Variants in RRAGC observed in about 807,000 individuals in gnomAD.
RRAGC encodes Ras related GTP binding C.
In RRAGC, 8 loss-of-function variants were observed where a neutral mutation model predicts 37.1. The observed-to-expected ratio is 0.22, with a 90% CI of 0.13 to 0.39. The LOEUF (loss-of-function observed/expected upper bound fraction) is 0.39. Among genes scored for constraint, RRAGC ranks in the 10% least tolerant of loss-of-function variants. The pLI, the probability that RRAGC is intolerant of heterozygous loss-of-function variation, is 1.00. For synonymous variants in RRAGC, 190 were observed against 181.1 expected (o/e 1.05, Z -0.39); for missense variants, 342 against 497.6 (o/e 0.69, Z 2.98).
intron 5 of RRAGC, among the ~76,000 whole-genome samples, chr1:38,848,443 G>A (rs1172495681): frequency 6.6e-6 from 1 of 152,120 alleles, no homozygotes; most frequent in Admixed American, 6.6e-5. Flanking sequence ...AGCTCCTAAT[G>A]TCAAGCCAGC....
Position 38,841,147 on chromosome 1 carries a change from G to GAATCA in RRAGC, c.1049-1444_1049-1443insTGATT, listed in dbSNP as rs566505977. 1.9e-3 allele frequency among the ~76,000 whole-genome samples: 283 copies of GAATCA among 152,164 alleles called. 2 individuals are homozygous for GAATCA. Among genetic ancestry groups the GAATCA allele is most frequent in the African/African-American group, 6.3e-3 (260 of 41,498 alleles). On this transcript the variant is annotated intron_variant, in intron 6 of 6. Transcript: ENST00000373001. ...TTGATAACTACTGAATCTGGGCAATGGATTAAAAAGCTTTTATTATACTGT... is the reference window on the plus strand; with the variant it reads ...TTGATAACTACTGAATCTGGGCAATGAATCAGATTAAAAAGCTTTTATTATACTGT...
chr1:38,838,535 CAAAGA>C lies in RRAGC; in HGVS notation c.*1013_*1017del, dbSNP rs1641910770. 6.6e-6 allele frequency: 1 copy of C among 152,180 alleles called. No homozygotes were observed. The highest frequency in any genetic ancestry group is 2.1e-4 in the South Asian group (1 of 4,832). The allele number at this position is 152,180 out of a possible 1,614,324, so 9.4% of individuals were successfully genotyped here. On this transcript the variant is annotated 3_prime_UTR_variant, in exon 7 of 7. Transcript: ENST00000373001. ...AACAATTATGAATTCATATCCTAGG[CAAAGA>C]AAGTACCACAGTTGACACTTGGTGT...
At chr1:38,858,612 T>C (rs1642196266) in intron 1 of RRAGC, among the ~76,000 whole-genome samples, 3 of 152,132 alleles carry the variant, frequency 2.0e-5, no homozygotes, top group Non-Finnish European at 4.4e-5. Flanking sequence ...GCGGGAGAAT[T>C]ACTTGAACCA....
Position 38,859,488 on chromosome 1 carries a change from A to T in RRAGC, c.159T>A (p.Gly53=), listed in dbSNP as rs1206064299. The change falls in exon 1 of 7, where the codon GGT becomes GGA. Residue 53 remains glycine, a synonymous_variant. Transcript: ENST00000373001. The part of the protein sequence containing the change: ...GVGAGAGGGC[G]PGGADSSKPR... The stretch of plus-strand genomic sequence containing the variant: ...GCTTGGAGCTGTCAGCGCCCCCCGG[A>T]CCACAGCCACCGCCTGCCCCTGCCC... The T allele has an allele frequency of 3.2e-6, 5 of 1,547,586 alleles. No individual in the cohort carries two copies. Among genetic ancestry groups the T allele is most frequent in the African/African-American group, 2.7e-5 (2 of 72,926 alleles).
chr1:38,859,297 G>C, intron 1 of RRAGC, 113 bp downstream of exon 1: 9 of 995,084 alleles, frequency 9.0e-6, no homozygotes, highest in Non-Finnish European at 1.3e-5. Context: ...GGAAGAGAAA[G>C]TGCGGAGGGA....
Position 38,859,732 on chromosome 1 carries a change from G to GCCGCCACCACCGCCA in RRAGC, c.-101_-87dup, listed in dbSNP as rs1204969496. The GCCGCCACCACCGCCA allele has an allele frequency of 2.2e-5, 25 of 1,156,734 alleles. No homozygotes were observed. In the East Asian group the frequency reaches 5.4e-4, roughly 25 times the overall value. The allele number at this position is 1,156,734 out of a possible 1,614,324, so 71.7% of individuals were successfully genotyped here. On this transcript the variant is annotated 5_prime_UTR_variant, in exon 1 of 7. Transcript: ENST00000373001. ...GCCTCCCCAGTCCGCCTCCGCCGCC[G>GCCGCCACCACCGCCA]CCGCCACCACCGCCACCGCCCCCGG...
chr1:38,840,586 T>C (rs1641951500), intron 6 of RRAGC, among the ~76,000 whole-genome samples: 2 of 152,118 alleles, frequency 1.3e-5, no homozygotes, highest in Non-Finnish European at 2.9e-5. Context: ...GGCAAAGTAA[T>C]CAACTGAAAA....
chr1:38,848,695 C>A (rs531942398), intron 5 of RRAGC, among the ~76,000 whole-genome samples: 2 of 152,134 alleles, frequency 1.3e-5, no homozygotes, highest in South Asian at 4.2e-4. Context: ...CAAAATAATG[C>A]CAAGGCAGGC....
In RRAGC at chr1:38,846,343, A is replaced by T. The variant is rs536113792; in HGVS notation, c.900-256T>A. 21 of 344,302 alleles carry T rather than the reference A, an allele frequency of 6.1e-5. No individual in the cohort carries two copies. In the South Asian group the frequency reaches 8.4e-4, roughly 14 times the overall value. The allele number at this position is 344,302 out of a possible 1,614,324, so 21.3% of individuals were successfully genotyped here. A position where few individuals can be genotyped will look rare whatever the true frequency, so the allele number is the denominator to read the frequency against. ...CATTTGGAGAAAAAGGTGCAAACATATGTATATCTTAACCAGGGAAATGAC... is the reference window on the plus strand; with the variant it reads ...CATTTGGAGAAAAAGGTGCAAACATTTGTATATCTTAACCAGGGAAATGAC... On this transcript the variant is annotated intron_variant, in intron 5 of 6. Transcript: ENST00000373001.
Position 38,859,704 on chromosome 1 carries a change from G to GCCGCCTCCCCAGT in RRAGC, c.-71_-59dup, listed in dbSNP as rs1642215450. 5 of 1,338,102 alleles carry GCCGCCTCCCCAGT rather than the reference G, an allele frequency of 3.7e-6. No homozygotes were observed. The highest frequency in any genetic ancestry group is 1.5e-5 in the African/African-American group (1 of 64,720). The allele number at this position is 1,338,102 out of a possible 1,614,324, so 82.9% of individuals were successfully genotyped here. A position where few individuals can be genotyped will look rare whatever the true frequency, so the allele number is the denominator to read the frequency against. On this transcript the variant is annotated 5_prime_UTR_variant, in exon 1 of 7. Coordinates refer to ENST00000373001, the MANE Select transcript of RRAGC (RefSeq NM_022157.4). ...AGGCCAGGCCAGGCCGAGCCAGGCC[G>GCCGCCTCCCCAGT]CCGCCTCCCCAGTCCGCCTCCGCCG...
chr1:38,849,843 T>G (rs1047319410), intron 5 of RRAGC, among the ~76,000 whole-genome samples: 1 of 152,204 alleles, frequency 6.6e-6, no homozygotes, highest in African/African-American at 2.4e-5. Context: ...TTGTTTAAAT[T>G]AGAAGTGGGA....
At chr1:38,851,566 A>T (rs1642101484) in intron 5 of RRAGC, 49 bp downstream of exon 5, 3 of 1,451,070 alleles carry the variant, frequency 2.1e-6, no homozygotes, top group African/African-American at 3.0e-5. Context: ...AATCAAGTTA[A>T]TAGTTTTCCG....
chr1:38,853,717 A>G (rs966431468), intron 3 of RRAGC, among the ~76,000 whole-genome samples: 1 of 151,794 alleles, frequency 6.6e-6, no homozygotes, highest in African/African-American at 2.4e-5. Context: ...ATTGCACTCC[A>G]GCCTGGGCAA....
At chr1:38,839,931 G>A (rs1641943903) in intron 6 of RRAGC, among the ~76,000 whole-genome samples, 2 of 152,014 alleles carry the variant, frequency 1.3e-5, no homozygotes, top group Non-Finnish European at 2.9e-5. Flanking sequence ...CAGATCACAA[G>A]GTCAGGAGAT....
chr1:38,852,332 A>G lies in RRAGC; in HGVS notation c.756+42T>C, dbSNP rs66493035. The G allele has an allele frequency of 7.4e-3, 7,708 of 1,037,160 alleles. 164 individuals are homozygous for G. Among genetic ancestry groups the G allele is most frequent in the African/African-American group, 0.061 (3,886 of 63,262 alleles). The allele number at this position is 1,037,160 out of a possible 1,614,324, so 64.2% of individuals were successfully genotyped here. A position where few individuals can be genotyped will look rare whatever the true frequency, so the allele number is the denominator to read the frequency against. ...AACACAAATATATTCCCAAAAATGGAATCAGAAGCTGCAGTGAATTAAATA... is the reference window on the plus strand; with the variant it reads ...AACACAAATATATTCCCAAAAATGGGATCAGAAGCTGCAGTGAATTAAATA... On this transcript the variant is annotated intron_variant, in intron 4 of 6. Coordinates refer to ENST00000373001, the MANE Select transcript of RRAGC (RefSeq NM_022157.4).
Position 38,843,707 on chromosome 1 carries a change from G to A in RRAGC, c.1048+2232C>T, listed in dbSNP as rs977320223. ...TGCACTCCAGCCTAGGCAACAGAGC[G>A]AGACTGTCTCAAAAAAAAAAAAAAA... On this transcript the variant is annotated intron_variant, in intron 6 of 6. Coordinates refer to ENST00000373001, the MANE Select transcript of RRAGC (RefSeq NM_022157.4). Among the ~76,000 whole-genome samples, 24 of 147,878 alleles carry A rather than the reference G, an allele frequency of 1.6e-4. No individual in the cohort carries two copies. The Middle Eastern group carries it at 0.01, about 65-fold the overall frequency.
chr1:38,856,137 G>GA (rs1642165059), intron 2 of RRAGC, among the ~76,000 whole-genome samples: 1 of 151,922 alleles, frequency 6.6e-6, no homozygotes, highest in East Asian at 1.9e-4. Context: ...ATTTAAGAAA[G>GA]AAAAAAATGA....
chr1:38,849,144 G>C (rs1468745797), intron 5 of RRAGC, among the ~76,000 whole-genome samples: 1 of 152,088 alleles, frequency 6.6e-6, no homozygotes, highest in Non-Finnish European at 1.5e-5. Flanking sequence ...GTATGGTGTG[G>C]TGTGCGGCTG....
chr1:38,848,380 A>G (rs1321493820), intron 5 of RRAGC, among the ~76,000 whole-genome samples: 2 of 152,202 alleles, frequency 1.3e-5, no homozygotes, highest in Non-Finnish European at 2.9e-5. Flanking sequence ...AGACAACCCT[A>G]AAGATGATTC....
Sources: allele counts gnomAD v4.1 joint callset (sites outside exome capture counted in the v4.1 genomes callset), GRCh38; gene constraint gnomAD v4.1.1; transcripts MANE v1.5; gene names NCBI Gene and HGNC (gene_info 2026-07-23, HGNC 2026-07-21).